BICD1: variants seen among roughly 807,000 people sequenced by gnomAD.
The protein encoded by BICD1 is BICD cargo adaptor 1, also known as protein bicaudal D homolog 1.
In BICD1, 35 loss-of-function variants were observed where a neutral mutation model predicts 92.5. That is an observed-to-expected ratio of 0.38 (90% CI 0.29 to 0.50). The LOEUF (loss-of-function observed/expected upper bound fraction) is 0.50, where lower values mean the gene tolerates loss of function less well. Ranked by LOEUF, BICD1 falls within the 20% of genes least tolerant of loss-of-function variation. The probability of loss-of-function intolerance (pLI) is 0.93; values close to 1 mark genes in which losing one functional copy is unlikely to be tolerated. For missense variants in BICD1, 950 were observed against 1,189.8 expected (o/e 0.80, Z 2.97); for synonymous variants, 429 against 465.1 (o/e 0.92, Z 1.00).
intron 1 of BICD1, among the ~76,000 whole-genome samples, chr12:32,121,799 C>G (rs1021851608): frequency 9.4e-5 from 13 of 138,730 alleles, no homozygotes; most frequent in South Asian, 4.8e-4. Flanking sequence ...AACAGAAGAT[C>G]TCAGTTTGTC....
At chr12:32,252,033 A>T (rs1282929277) in intron 2 of BICD1, among the ~76,000 whole-genome samples, 22 of 102,468 alleles carry the variant, frequency 2.1e-4, no homozygotes, top group African/African-American at 1.1e-3. Context: ...ATATATTTAT[A>T]ATATATATTT....
At position 32,196,244 on chromosome 12, in the gene BICD1, CA is replaced by C. The variant is rs142470197; in HGVS notation, c.214-19999del. ...TCAAAAAACAGTATGGACGTTCTTCCAAAATTTAAAAAAAGAGCTACCATAT... is the reference window on the plus strand; with the variant it reads ...TCAAAAAACAGTATGGACGTTCTTCCAAATTTAAAAAAAGAGCTACCATAT... On this transcript the variant is annotated intron_variant, in intron 1 of 9. Transcript: ENST00000652176. Among the ~76,000 whole-genome samples the C allele has an allele frequency of 8.0e-3, 1,210 of 152,118 alleles. 22 individuals are homozygous for C. The highest frequency in any genetic ancestry group is 0.028 in the African/African-American group (1,172 of 41,518).
chr12:32,237,837 TTG>T (rs1333134261), intron 2 of BICD1, among the ~76,000 whole-genome samples: 6 of 152,002 alleles, frequency 3.9e-5, no homozygotes, highest in African/African-American at 1.4e-4. Flanking sequence ...GAGATGACTG[TTG>T]TTTTCATACC....
chr12:32,234,550 C>G (rs111567968), intron 2 of BICD1, among the ~76,000 whole-genome samples: 2 of 149,082 alleles, frequency 1.3e-5, no homozygotes, highest in African/African-American at 5.0e-5. Context: ...GAGCCAAGAT[C>G]GCACCACTGC....
intron 2 of BICD1, among the ~76,000 whole-genome samples, chr12:32,241,819 T>A (rs781769552): frequency 1.3e-4 from 20 of 152,146 alleles, no homozygotes; most frequent in Non-Finnish European, 2.2e-4. Flanking sequence ...AGATAGGACC[T>A]AGGCACCTGA....
At chr12:32,140,125 T>TA (rs1467197425) in intron 1 of BICD1, among the ~76,000 whole-genome samples, 1 of 152,196 alleles carries the variant, frequency 6.6e-6, no homozygotes, top group Non-Finnish European at 1.5e-5. Flanking sequence ...GCCTTTGTGT[T>TA]ACCTGCCATG....
chr12:32,231,391 C>G (rs1040317654), intron 2 of BICD1, among the ~76,000 whole-genome samples: 1 of 151,894 alleles, frequency 6.6e-6, no homozygotes, highest in Non-Finnish European at 1.5e-5. Flanking sequence ...GTTGAGGCTG[C>G]AGTGAGCTGT....
chr12:32,346,389 T>A (rs1938567701), intron 8 of BICD1, among the ~76,000 whole-genome samples: 1 of 146,248 alleles, frequency 6.8e-6, no homozygotes. Context: ...TGGTGGTGCA[T>A]GCCTGTAGTT....
At chr12:32,354,612 T>C (rs79556226) in intron 8 of BICD1, among the ~76,000 whole-genome samples, 1 of 152,202 alleles carries the variant, frequency 6.6e-6, no homozygotes, top group Admixed American at 6.5e-5. Context: ...TACACTATCA[T>C]CTGTGGGTAC....
chr12:32,316,217 G>C (rs1948496973), intron 4 of BICD1, among the ~76,000 whole-genome samples: 1 of 151,858 alleles, frequency 6.6e-6, no homozygotes, highest in South Asian at 2.1e-4. Context: ...ACACTTTTAA[G>C]GTAGGCTAGA....
intron 2 of BICD1, among the ~76,000 whole-genome samples, chr12:32,235,430 C>T (rs573709501): frequency 6.6e-6 from 1 of 152,096 alleles, no homozygotes; most frequent in Non-Finnish European, 1.5e-5. Context: ...GTTTCACAAC[C>T]TTTTCTTCAT....
chr12:32,291,292 T>A (rs1300169884), intron 2 of BICD1, among the ~76,000 whole-genome samples: 1 of 152,128 alleles, frequency 6.6e-6, no homozygotes, highest in Non-Finnish European at 1.5e-5. Context: ...ATCCCAGCAC[T>A]TTGGGAGGCC....
intron 8 of BICD1, among the ~76,000 whole-genome samples, chr12:32,346,522 A>G (rs1938572801): frequency 2.0e-5 from 2 of 102,532 alleles, no homozygotes; most frequent in South Asian, 7.2e-4. Context: ...GTCAAAAAAA[A>G]TATATATATA....
chr12:32,265,812 G>A (rs1946981026), intron 2 of BICD1, among the ~76,000 whole-genome samples: 1 of 151,912 alleles, frequency 6.6e-6, no homozygotes, highest in South Asian at 2.1e-4. Context: ...GTCTTGGTCG[G>A]CAGTTTAACT....
chr12:32,254,432 T>G (rs1946664414), intron 2 of BICD1, among the ~76,000 whole-genome samples: 1 of 152,270 alleles, frequency 6.6e-6, no homozygotes, highest in Non-Finnish European at 1.5e-5. Context: ...CTCTAGCATT[T>G]GTAGGTGCTC....
chr12:32,306,262 G>A, intron 4 of BICD1, 140 bp downstream of exon 4: 3 of 1,017,028 alleles, frequency 2.9e-6, no homozygotes, highest in South Asian at 1.8e-5. Context: ...TGTTCTTTTC[G>A]AGACAGAGTC....
At chr12:32,293,887 A>G in intron 2 of BICD1, 107 bp from the exon 3 acceptor site, 2 of 1,162,502 alleles carry the variant, frequency 1.7e-6, no homozygotes, top group Non-Finnish European at 2.4e-6. Context: ...GTAACAATTT[A>G]CACCCCATGA....
At chr12:32,275,531 C>A (rs1477733439) in intron 2 of BICD1, among the ~76,000 whole-genome samples, 5 of 152,162 alleles carry the variant, frequency 3.3e-5, no homozygotes, top group African/African-American at 2.4e-5. Flanking sequence ...ATGGGGCAAC[C>A]CCCTTTGGGT....
At chr12:32,118,472 A>G (rs1406864161) in intron 1 of BICD1, among the ~76,000 whole-genome samples, 1 of 152,104 alleles carries the variant, frequency 6.6e-6, no homozygotes, top group Non-Finnish European at 1.5e-5. Context: ...TTGGATTGAA[A>G]ATATTTGGAA....
Sources: gnomAD v4.1 joint callset for allele counts (sites outside exome capture counted in the v4.1 genomes callset) on GRCh38, gnomAD v4.1.1 for gene constraint, MANE v1.5 for transcripts, NCBI Gene and HGNC (gene_info 2026-07-23, HGNC 2026-07-21) for gene names.